Variants in SYNGR1 observed in about 807,000 individuals in gnomAD.
SYNGR1 encodes synaptogyrin-1.
A neutral mutation model predicts 26.1 loss-of-function variants in SYNGR1; 14 were observed. The observed-to-expected ratio is 0.54, with a 90% CI of 0.35 to 0.84. The LOEUF (loss-of-function observed/expected upper bound fraction) is 0.84, where lower values mean the gene tolerates loss of function less well. Among genes scored for constraint, SYNGR1 ranks in the 40% least tolerant of loss-of-function variants. The pLI is 0.01. For missense variants in SYNGR1, 319 were observed against 332.9 expected (o/e 0.96, Z 0.33); for synonymous variants, 141 against 150.1 (o/e 0.94, Z 0.44).
At chr22:39,363,953 G>A (rs568416149) in intron 1 of SYNGR1, among the ~76,000 whole-genome samples, 2 of 152,264 alleles carry the variant, frequency 1.3e-5, no homozygotes, top group African/African-American at 4.8e-5. Flanking sequence ...GTCTAAAAAC[G>A]TTTAAAACGA....
rs554071019 is a variant in SYNGR1, at chr22:39,384,793, A to G, written c.*2879A>G. ...GAGGGCCCAGGAAAAAAGGTTTCAC[A>G]TAAGTGTAGAGTCGCAAGGACGCTT... On this transcript the variant is annotated 3_prime_UTR_variant, in exon 4 of 4. Coordinates refer to ENST00000328933, the MANE Select transcript of SYNGR1 (RefSeq NM_004711.5). 2.5e-5 allele frequency: 10 copies of G among 399,008 alleles called. No individual in the cohort carries two copies. The highest frequency in any genetic ancestry group is 1.3e-4 in the South Asian group (1 of 7,860). The allele number at this position is 399,008 out of a possible 1,614,324, so 24.7% of individuals were successfully genotyped here.
chr22:39,360,157 G>T (rs185963848), intron 1 of SYNGR1, among the ~76,000 whole-genome samples: 8 of 152,248 alleles, frequency 5.3e-5, no homozygotes, highest in African/African-American at 1.9e-4. Context: ...GGTGGCCCAG[G>T]CCAGCCTGGC....
chr22:39,383,420 G>T lies in SYNGR1; in HGVS notation c.*1506G>T, dbSNP rs1925561808. 6.6e-6 allele frequency: 1 copy of T among 152,652 alleles called. No homozygotes were observed. The highest frequency in any genetic ancestry group is 1.5e-5 in the Non-Finnish European group (1 of 68,292). The allele number at this position is 152,652 out of a possible 1,614,324, so 9.5% of individuals were successfully genotyped here. A position where few individuals can be genotyped will look rare whatever the true frequency, so the allele number is the denominator to read the frequency against. ...CCCAAAGAGGGCCGTGGGGCCTGAG[G>T]AGGTCATAATCTCTTCTGAGTGGGG... is the stretch of plus-strand genomic sequence containing the variant. On this transcript the variant is annotated 3_prime_UTR_variant, in exon 4 of 4. Coordinates refer to ENST00000328933, the MANE Select transcript of SYNGR1 (RefSeq NM_004711.5).
intron 2 of SYNGR1, chr22:39,374,915 G>A (rs747758123): frequency 5.6e-6 from 2 of 359,010 alleles, no homozygotes; most frequent in Non-Finnish European, 1.1e-5. Context: ...ACTAAGCAAG[G>A]CGGTGACTGG....
chr22:39,350,171 G>A lies in SYNGR1; in HGVS notation c.99+62G>A. On this transcript the variant is annotated intron_variant, in intron 1 of 3. Coordinates refer to ENST00000328933, the MANE Select transcript of SYNGR1 (RefSeq NM_004711.5). The surrounding 1 kb of genome is among the most constrained non-coding windows in gnomAD (Gnocchi z 4.3). Reference sequence around the variant, plus strand: ...GGTGGTGGGGGTGTGAGCAAAGGCGGCGCGCCCGGACCGACCCCGACCCCG... The same window carrying A: ...GGTGGTGGGGGTGTGAGCAAAGGCGACGCGCCCGGACCGACCCCGACCCCG... 1.6e-6 allele frequency: 2 copies of A among 1,220,116 alleles called. No individual in the cohort carries two copies. The highest frequency in any genetic ancestry group is 2.1e-6 in the Non-Finnish European group (2 of 949,484). 75.6% of individuals were successfully genotyped at this position (1,220,116 alleles called of 1,614,324 possible).
At chr22:39,362,916 C>T (rs760172603) in intron 1 of SYNGR1, among the ~76,000 whole-genome samples, 7 of 152,142 alleles carry the variant, frequency 4.6e-5, no homozygotes, top group Admixed American at 2.6e-4. Flanking sequence ...GGGGGAGAGA[C>T]GTGCACCCAA....
chr22:39,381,555 C>T, intron 3 of SYNGR1, 141 bp from the exon 4 acceptor site: 5 of 837,378 alleles, frequency 6.0e-6, no homozygotes, highest in Non-Finnish European at 9.7e-6. Flanking sequence ...AGCTTGGTCT[C>T]ATGTTTGGTG....
chr22:39,376,442 C>T (rs958434188), intron 3 of SYNGR1, among the ~76,000 whole-genome samples: 5 of 140,872 alleles, frequency 3.5e-5, no homozygotes, highest in Admixed American at 2.2e-4. Context: ...TGCAGAGCAG[C>T]CTTCCTGGGG....
chr22:39,367,693 C>T (rs750050330), intron 1 of SYNGR1, among the ~76,000 whole-genome samples: 2 of 152,046 alleles, frequency 1.3e-5, no homozygotes, highest in South Asian at 2.1e-4. Context: ...TTTGGTGGCA[C>T]ACGCCTGTAA....
At chr22:39,358,420 G>A (rs940681478) in intron 1 of SYNGR1, among the ~76,000 whole-genome samples, 1 of 152,138 alleles carries the variant, frequency 6.6e-6, no homozygotes, top group Non-Finnish European at 1.5e-5. Flanking sequence ...AGCTTTGTTC[G>A]TCTGCTCGTT....
chr22:39,379,341 G>A (rs1411669856), intron 3 of SYNGR1, among the ~76,000 whole-genome samples: 1 of 152,194 alleles, frequency 6.6e-6, no homozygotes, highest in Admixed American at 6.5e-5. Context: ...ACAATCAAAA[G>A]GTAATGCCCT....
chr22:39,361,201 G>T (rs1455124614), intron 1 of SYNGR1, among the ~76,000 whole-genome samples: 1 of 152,156 alleles, frequency 6.6e-6, no homozygotes, highest in Non-Finnish European at 1.5e-5. Flanking sequence ...TCTCTAGAAG[G>T]TGAGGCAGGG....
intron 1 of SYNGR1, among the ~76,000 whole-genome samples, chr22:39,359,778 T>A (rs1924380450): frequency 6.6e-6 from 1 of 152,108 alleles, no homozygotes; most frequent in African/African-American, 2.4e-5. Context: ...CGCATGGTCT[T>A]GTCCGCCAGC....
chr22:39,350,812 G>T lies in SYNGR1; in HGVS notation c.99+703G>T, dbSNP rs375337636. Reference sequence around the variant, plus strand: ...GACAAGGTGGGCGGAGCCTTCTTGAGGCCCCCTTGGGCTCTGACATTTCAT... The same window carrying T: ...GACAAGGTGGGCGGAGCCTTCTTGATGCCCCCTTGGGCTCTGACATTTCAT... On this transcript the variant is annotated intron_variant, in intron 1 of 3. Transcript: ENST00000328933. This position sits in a 1 kb window ranked among gnomAD's most constrained non-coding sequence, Gnocchi z 4.3. 3.9e-5 allele frequency among the ~76,000 whole-genome samples: 6 copies of T among 152,280 alleles called. No individual in the cohort carries two copies. The South Asian group carries it at 8.3e-4, about 21-fold the overall frequency.
chr22:39,350,017 G>C lies in SYNGR1; in HGVS notation c.7G>C (p.Gly3Arg), dbSNP rs780574763. The C allele has an allele frequency of 3.3e-5, 44 of 1,339,666 alleles. No homozygotes were observed. The highest frequency in any genetic ancestry group is 4.1e-4 in the Middle Eastern group (2 of 4,890). The allele number at this position is 1,339,666 out of a possible 1,614,324, so 83.0% of individuals were successfully genotyped here. The change falls in exon 1 of 4, where the codon GGG (glycine) becomes CGG (arginine). Residue 3 changes from glycine to arginine, a missense_variant. Coordinates refer to ENST00000328933, the MANE Select transcript of SYNGR1 (RefSeq NM_004711.5). This position sits in a 1 kb window ranked among gnomAD's most constrained non-coding sequence, Gnocchi z 4.3. ...CCGCGCGGGTGCAGCCACGATGGAA[G>C]GGGGTGCGTACGGAGCGGGCAAAGC... ME[G>R]GAYGAGKAGG...
chr22:39,377,023 G>A (rs759242728), intron 3 of SYNGR1: 1 of 1,550,774 alleles, frequency 6.4e-7, no homozygotes, highest in Non-Finnish European at 8.7e-7. Context: ...AGAGATCTGG[G>A]GCCACATCAC....
At position 39,350,032 on chromosome 22, in the gene SYNGR1, G is replaced by A. The variant is rs773897247; in HGVS notation, c.22G>A (p.Ala8Thr). Reference protein sequence around the residue: MEGGAYGAGKAGGAFDPY... With the variant: MEGGAYGTGKAGGAFDPY... Reference sequence around the variant, plus strand: ...CACGATGGAAGGGGGTGCGTACGGAGCGGGCAAAGCCGGGGGCGCCTTCGA... The same window carrying A: ...CACGATGGAAGGGGGTGCGTACGGAACGGGCAAAGCCGGGGGCGCCTTCGA... The change falls in exon 1 of 4, where the codon GCG (alanine) becomes ACG (threonine). Residue 8 changes from alanine to threonine, a missense_variant. Physicochemically the swap from Ala to Thr is moderately conservative, Grantham distance 58. Transcript: ENST00000328933. This position sits in a 1 kb window ranked among gnomAD's most constrained non-coding sequence, Gnocchi z 4.3. 1.3e-5 allele frequency: 18 copies of A among 1,394,190 alleles called. No homozygotes were observed. The highest frequency in any genetic ancestry group is 1.6e-5 in the Non-Finnish European group (17 of 1,055,396). 86.4% of individuals were successfully genotyped at this position (1,394,190 alleles called of 1,614,324 possible). A position where few individuals can be genotyped will look rare whatever the true frequency, so the allele number is the denominator to read the frequency against.
intron 1 of SYNGR1, among the ~76,000 whole-genome samples, chr22:39,369,492 G>A (rs1355306352): frequency 1.3e-5 from 2 of 152,224 alleles, no homozygotes; most frequent in African/African-American, 4.8e-5. Context: ...CTCCCTGCTG[G>A]TCCTCTGCCT....
intron 1 of SYNGR1, among the ~76,000 whole-genome samples, chr22:39,363,048 T>C (rs1230802465): frequency 1.3e-5 from 2 of 151,874 alleles, no homozygotes; most frequent in East Asian, 1.9e-4. Context: ...GGAGGTGTCT[T>C]TTGTGTTGAG....
Sources: gnomAD v4.1 joint callset for allele counts (sites outside exome capture counted in the v4.1 genomes callset) on GRCh38, gnomAD v4.1.1 for gene constraint, Gnocchi (gnomAD v3.1) non-coding constraint, MANE v1.5 for transcripts, NCBI Gene and HGNC (gene_info 2026-07-23, HGNC 2026-07-21) for gene names.